Variants in COX5A observed in about 807,000 individuals in gnomAD.
The protein encoded by COX5A is cytochrome c oxidase subunit 5A, also known as cytochrome c oxidase subunit 5A, mitochondrial.
A neutral mutation model predicts 16.1 loss-of-function variants in COX5A; 6 were observed. The observed-to-expected ratio is 0.37, with a 90% CI of 0.20 to 0.73. The LOEUF is 0.73. Among genes scored for constraint, COX5A ranks in the 30% least tolerant of loss-of-function variants. COX5A has a pLI of 0.50. For synonymous variants in COX5A, 73 were observed against 73.8 expected (o/e 0.99, Z 0.06); for missense variants, 159 against 194.9 (o/e 0.82, Z 1.10).
intron 4 of COX5A, among the ~76,000 whole-genome samples, chr15:74,923,177 G>GC (rs1005000344): frequency 3.9e-5 from 6 of 152,018 alleles, no homozygotes; most frequent in Non-Finnish European, 7.4e-5. Flanking sequence ...TGTAATCCCA[G>GC]CACTTTGGGA....
At chr15:74,933,073 C>T (rs929673586) in intron 1 of COX5A, among the ~76,000 whole-genome samples, 3 of 152,016 alleles carry the variant, frequency 2.0e-5, no homozygotes, top group African/African-American at 4.8e-5. Context: ...ATCAAAACTA[C>T]GTGGATATTT....
chr15:74,931,588 C>T (rs2065367904), intron 1 of COX5A, among the ~76,000 whole-genome samples: 2 of 146,542 alleles, frequency 1.4e-5, no homozygotes, highest in African/African-American at 5.0e-5. Flanking sequence ...GAGTCTCACT[C>T]TGTCACCCAG....
At chr15:74,928,587 A>G (rs940581283) in intron 2 of COX5A, among the ~76,000 whole-genome samples, 32 of 152,092 alleles carry the variant, frequency 2.1e-4, no homozygotes, top group Non-Finnish European at 3.4e-4. Context: ...GGGTTTCACC[A>G]TGTTAGCCAG....
chr15:74,927,388 G>A (rs1370038078), intron 2 of COX5A, among the ~76,000 whole-genome samples: 1 of 151,994 alleles, frequency 6.6e-6, no homozygotes, highest in Non-Finnish European at 1.5e-5. Context: ...TCTTGGCCTG[G>A]CTGGCCTTGA....
rs774638701 is a variant in COX5A at position 74,929,217 on chromosome 15, C to T, written c.116G>A (p.Arg39His). ...CTCCTGTGACCCATGGGAATAGCAG[C>T]GAACTGACTGGATAGCTATAATGTG... is the stretch of plus-strand genomic sequence containing the variant. ...PGPAVAIQSVRCYSHGSQETD... is the reference protein window; with the variant it reads ...PGPAVAIQSVHCYSHGSQETD... Residue 39 changes from arginine (R) to histidine (H), a missense_variant, in exon 2 of 5, where the codon CGC becomes CAC. Transcript: ENST00000322347. 27 of 1,610,938 alleles carry T rather than the reference C, an allele frequency of 1.7e-5. No individual in the cohort carries two copies. Among genetic ancestry groups the T allele is most frequent in the Non-Finnish European group, 2.1e-5 (25 of 1,177,182 alleles).
At chr15:74,929,672 G>C (rs940418515) in intron 1 of COX5A, among the ~76,000 whole-genome samples, 1 of 152,198 alleles carries the variant, frequency 6.6e-6, no homozygotes, top group Non-Finnish European at 1.5e-5. Context: ...GCTGAGGCAG[G>C]AAGATTACCC....
At position 74,920,461 on chromosome 15, in the gene COX5A, A is replaced by C. The variant is rs2065314925; in HGVS notation, c.*10-19T>G. The C allele has an allele frequency of 2.9e-6, 2 of 685,596 alleles. No individual in the cohort carries two copies. The highest frequency in any genetic ancestry group is 2.7e-5 in the East Asian group (1 of 37,108). The allele number at this position is 685,596 out of a possible 1,614,324, so 42.5% of individuals were successfully genotyped here. On this transcript the variant is annotated intron_variant, in intron 4 of 4. Transcript: ENST00000322347. ...AGCCCATCTGTAAGAGAAAACACAA[A>C]GAATTAGCCAGGAAAGAATAAAGAA...
At chr15:74,934,106 T>C (rs951001588) in intron 1 of COX5A, among the ~76,000 whole-genome samples, 1 of 151,984 alleles carries the variant, frequency 6.6e-6, no homozygotes, top group African/African-American at 2.4e-5. Context: ...ACAAAAAACT[T>C]AAAAAATTAG....
intron 1 of COX5A, among the ~76,000 whole-genome samples, chr15:74,934,706 A>C (rs2065381378): frequency 6.6e-6 from 1 of 152,086 alleles, no homozygotes; most frequent in African/African-American, 2.4e-5. Context: ...CACATCCCCC[A>C]CATGCTTAAC....
intron 2 of COX5A, 97 bp from the exon 3 acceptor site, chr15:74,926,984 ATCTG>A (rs1566978995): frequency 5.9e-6 from 8 of 1,354,040 alleles, no homozygotes; most frequent in East Asian, 2.5e-5. Context: ...GTATGATCTT[ATCTG>A]TCTGGGTCTC....
chr15:74,925,787 C>T (rs1259300984), intron 3 of COX5A, among the ~76,000 whole-genome samples: 1 of 152,068 alleles, frequency 6.6e-6, no homozygotes, highest in Non-Finnish European at 1.5e-5. Context: ...CCTAACATTT[C>T]GTATGACAAA....
chr15:74,934,053 C>T (rs529888745), intron 1 of COX5A, among the ~76,000 whole-genome samples: 1 of 152,258 alleles, frequency 6.6e-6, no homozygotes, highest in Non-Finnish European at 1.5e-5. Context: ...GATGCCAGGA[C>T]TGAGAGACCA....
intron 1 of COX5A, among the ~76,000 whole-genome samples, chr15:74,929,659 G>A (rs147515594): frequency 1.3e-5 from 2 of 152,212 alleles, no homozygotes; most frequent in Admixed American, 1.3e-4. Flanking sequence ...CAGCTACTCA[G>A]AGGCTGAGGC....
Position 74,920,143 on chromosome 15 carries a change from G to C in COX5A, c.*309C>G, listed in dbSNP as rs1354752776. 1 of 495,036 alleles carries C rather than the reference G, an allele frequency of 2.0e-6. No homozygotes were observed. Among genetic ancestry groups the C allele is most frequent in the Non-Finnish European group, 3.5e-6 (1 of 287,320 alleles). 30.7% of individuals were successfully genotyped at this position (495,036 alleles called of 1,614,324 possible). On this transcript the variant is annotated 3_prime_UTR_variant, in exon 5 of 5. Coordinates refer to ENST00000322347, the MANE Select transcript of COX5A (RefSeq NM_004255.4). ...GGCACCCAAACATATTAATGAAGCT[G>C]ATTTTCATGTCAGATGGTTTCCAGA...
chr15:74,930,783 C>A (rs1451057033), intron 1 of COX5A, among the ~76,000 whole-genome samples: 1 of 148,532 alleles, frequency 6.7e-6, no homozygotes, highest in Non-Finnish European at 1.5e-5. Context: ...TTTGGGAGGC[C>A]GAGATGGGCA....
At chr15:74,920,931 C>T (rs942061237) in intron 4 of COX5A, among the ~76,000 whole-genome samples, 1 of 151,586 alleles carries the variant, frequency 6.6e-6, no homozygotes, top group Non-Finnish European at 1.5e-5. Context: ...GGGCCGAGAT[C>T]GCTTCATTGC....
At chr15:74,923,896 T>C (rs1165582958) in intron 3 of COX5A, 126 bp from the exon 4 acceptor site, 3 of 635,454 alleles carry the variant, frequency 4.7e-6, no homozygotes, top group Non-Finnish European at 8.4e-6. Flanking sequence ...ATACAGGTGA[T>C]CAGCTGGGCA....
chr15:74,926,335 T>TA (rs1281594096), intron 3 of COX5A, among the ~76,000 whole-genome samples: 1 of 151,524 alleles, frequency 6.6e-6, no homozygotes, highest in Non-Finnish European at 1.5e-5. Flanking sequence ...CCACCGCGCC[T>TA]GGCCTAATTT....
At chr15:74,935,824 A>T (rs1223236854) in intron 1 of COX5A, among the ~76,000 whole-genome samples, 3 of 148,726 alleles carry the variant, frequency 2.0e-5, no homozygotes, top group Admixed American at 1.3e-4. Context: ...TTCTGATCTC[A>T]GGTAATCTAC....
Sources: gnomAD v4.1 joint callset for allele counts (sites outside exome capture counted in the v4.1 genomes callset) on GRCh38, gnomAD v4.1.1 for gene constraint, MANE v1.5 for transcripts, NCBI Gene and HGNC (gene_info 2026-07-23, HGNC 2026-07-21) for gene names.